CRISPLD2: variants seen among roughly 807,000 people sequenced by gnomAD.
CRISPLD2 encodes cysteine-rich secretory protein LCCL domain-containing 2.
CRISPLD2 carries 47 observed loss-of-function variants against 71.1 expected under a neutral mutation model. The ratio of observed to expected loss-of-function variants is 0.66; its 90% CI spans 0.52 to 0.84. The LOEUF (loss-of-function observed/expected upper bound fraction) is 0.84, where lower values mean the gene tolerates loss of function less well. CRISPLD2 is among the 40% of genes least tolerant of loss of function. The probability of loss-of-function intolerance (pLI) is 0.00; values close to 1 mark genes in which losing one functional copy is unlikely to be tolerated. For synonymous variants in CRISPLD2, 317 were observed against 250.1 expected, an observed-to-expected ratio of 1.27 and a Z score of -2.52; for missense variants, 830 against 651.1, an observed-to-expected ratio of 1.27 and a Z score of -2.99.
intron 14 of CRISPLD2, among the ~76,000 whole-genome samples, chr16:84,905,357 G>A (rs544528713): frequency 6.6e-6 from 1 of 152,114 alleles, no homozygotes; most frequent in Admixed American, 6.6e-5. Context: ...CACTTAGAAA[G>A]GTTGAGTTTA....
chr16:84,834,168 G>C (rs1916558276), intron 1 of CRISPLD2, among the ~76,000 whole-genome samples: 2 of 152,148 alleles, frequency 1.3e-5, no homozygotes, highest in Admixed American at 1.3e-4. Flanking sequence ...CCAGACTCTG[G>C]AAAGTCAGGA....
chr16:84,896,829 A>C (rs1336058711), intron 14 of CRISPLD2, among the ~76,000 whole-genome samples: 1 of 152,214 alleles, frequency 6.6e-6, no homozygotes, highest in African/African-American at 2.4e-5. Flanking sequence ...AAAATAAATT[A>C]CACTTTTTAA....
intron 12 of CRISPLD2, among the ~76,000 whole-genome samples, chr16:84,879,062 G>C (rs1002504437): frequency 1.1e-4 from 16 of 152,176 alleles, no homozygotes; most frequent in African/African-American, 3.9e-4. Context: ...AAAGGCCCAG[G>C]AGGGTGACTG....
At chr16:84,828,146 G>C (rs759420810) in intron 1 of CRISPLD2, 2 of 152,172 alleles carry the variant, frequency 1.3e-5, no homozygotes, top group Non-Finnish European at 2.9e-5. Flanking sequence ...ACTCATCTTC[G>C]CGGATGCCAC....
intron 6 of CRISPLD2, among the ~76,000 whole-genome samples, chr16:84,857,402 A>G (rs554275279): frequency 1.1e-4 from 16 of 152,186 alleles, no homozygotes; most frequent in Non-Finnish European, 1.6e-4. Flanking sequence ...CCACTCAGAG[A>G]GATCCATCCA....
chr16:84,862,988 G>A (rs939185893), intron 6 of CRISPLD2: 1 of 152,174 alleles, frequency 6.6e-6, no homozygotes, highest in Admixed American at 6.5e-5. Flanking sequence ...CTGGGTCTGG[G>A]TCATGTATCA....
chr16:84,848,152 A>G (rs1032451), intron 3 of CRISPLD2, among the ~76,000 whole-genome samples: 118,854 of 152,110 alleles, frequency 0.78, 46,532 homozygotes, highest in Middle Eastern at 0.9. Context: ...CCCCACAGCC[A>G]TGCCAGTGCC....
intron 12 of CRISPLD2, among the ~76,000 whole-genome samples, chr16:84,879,662 T>G (rs1348928502): frequency 1.3e-5 from 2 of 151,688 alleles, no homozygotes; most frequent in African/African-American, 4.8e-5. Flanking sequence ...GCACCTGGCC[T>G]TCTTTTTTTT....
At chr16:84,825,018 T>A (rs1024694974) in intron 1 of CRISPLD2, among the ~76,000 whole-genome samples, 1 of 152,024 alleles carries the variant, frequency 6.6e-6, no homozygotes, top group Admixed American at 6.5e-5. Context: ...ACAGAAGAAT[T>A]GCTTGAACCC....
intron 6 of CRISPLD2, among the ~76,000 whole-genome samples, chr16:84,866,683 C>T (rs937329345): frequency 3.9e-5 from 6 of 152,190 alleles, no homozygotes; most frequent in African/African-American, 1.4e-4. Context: ...AAAGCAAACA[C>T]AGTGAGCGGA....
chr16:84,838,381 T>G (rs534934282), intron 1 of CRISPLD2, 41 bp from the exon 2 acceptor site: 2 of 1,296,638 alleles, frequency 1.5e-6, no homozygotes, highest in South Asian at 2.7e-5. Flanking sequence ...GACCGGCTCC[T>G]ACTAATGCGA....
chr16:84,868,327 C>T (rs530987727), intron 7 of CRISPLD2, among the ~76,000 whole-genome samples: 7 of 152,286 alleles, frequency 4.6e-5, no homozygotes, highest in African/African-American at 1.7e-4. Flanking sequence ...AACACGACTC[C>T]GAGACTCTGA....
At chr16:84,903,445 A>T (rs981187561) in intron 14 of CRISPLD2, among the ~76,000 whole-genome samples, 1 of 152,150 alleles carries the variant, frequency 6.6e-6, no homozygotes, top group East Asian at 1.9e-4. Context: ...TACAAAAATT[A>T]GCTGGGTGTG....
At chr16:84,900,781 A>G (rs1049654030) in intron 14 of CRISPLD2, among the ~76,000 whole-genome samples, 1 of 152,276 alleles carries the variant, frequency 6.6e-6, no homozygotes, top group East Asian at 1.9e-4. Flanking sequence ...CACGGGCTCA[A>G]TGGCTCGCGC....
At chr16:84,878,731 C>A (rs1459468424) in intron 12 of CRISPLD2, among the ~76,000 whole-genome samples, 2 of 152,200 alleles carry the variant, frequency 1.3e-5, no homozygotes, top group Admixed American at 6.5e-5. Context: ...TTATTTGAAT[C>A]GGCTGAGGCA....
rs188476166 is a variant in CRISPLD2, at chr16:84,893,077, C to T, written c.1439+3714C>T. 6.2e-3 allele frequency among the ~76,000 whole-genome samples: 939 copies of T among 151,966 alleles called. 10 individuals carry two copies. Among genetic ancestry groups the T allele is most frequent in the Non-Finnish European group, 8.6e-3 (584 of 67,932 alleles). ...GATGATTGAGCCCTAGAACTCACAG[C>T]TCAGAAGGGGAGTGAGCACTGGAGC... On this transcript the variant is annotated intron_variant, in intron 14 of 14. Transcript: ENST00000262424.
In CRISPLD2 at chr16:84,880,579, G is replaced by C; in HGVS notation, c.1300G>C (p.Ala434Pro). Reference sequence around the variant, plus strand: ...TCCGGTGTTTGGAACCAACATCTATGCAGATGTGAGTAGGATGCATTTTCA... The same window carrying C: ...TCCGGTGTTTGGAACCAACATCTATCCAGATGTGAGTAGGATGCATTTTCA... ...WAPVFGTNIY[A>P]DTSSICKTAV... Residue 434 changes from alanine (A) to proline (P), a missense_variant, in exon 13 of 15, where the codon GCA becomes CCA. By Grantham distance (27) the Ala-to-Pro change is conservative. Coordinates refer to ENST00000262424, the MANE Select transcript of CRISPLD2 (RefSeq NM_031476.4). 1 of 1,612,624 alleles carries C rather than the reference G, an allele frequency of 6.2e-7. No individual in the cohort carries two copies. The highest frequency in any genetic ancestry group is 1.1e-5 in the South Asian group (1 of 91,006).
intron 12 of CRISPLD2, among the ~76,000 whole-genome samples, chr16:84,879,853 C>T (rs2071553118): frequency 1.3e-5 from 2 of 152,168 alleles, no homozygotes; most frequent in South Asian, 4.1e-4. Context: ...GGGCTCCAGC[C>T]CACGGTGGAC....
intron 13 of CRISPLD2, among the ~76,000 whole-genome samples, chr16:84,888,842 G>T (rs539011715): frequency 6.6e-6 from 1 of 152,236 alleles, no homozygotes; most frequent in South Asian, 2.1e-4. Flanking sequence ...AGTAGCCCCC[G>T]CCACCCAGGC....
Sources: allele counts gnomAD v4.1 joint callset (sites outside exome capture counted in the v4.1 genomes callset), GRCh38; gene constraint gnomAD v4.1.1; transcripts MANE v1.5; gene names NCBI Gene and HGNC (gene_info 2026-07-23, HGNC 2026-07-21).